The following ARMC8 variants were observed in gnomAD, a reference collection of about 807,000 sequenced individuals.
ARMC8 encodes the protein armadillo repeat containing 8, also known as armadillo repeat-containing protein 8.
Under a neutral mutation model 99.3 loss-of-function variants are expected in ARMC8, and 20 were observed. The ratio of observed to expected loss-of-function variants is 0.20; its 90% CI spans 0.14 to 0.29. ARMC8 has a LOEUF of 0.29. ARMC8 is among the 10% of genes least tolerant of loss of function. The probability of loss-of-function intolerance (pLI) is 1.00; values close to 1 mark genes in which losing one functional copy is unlikely to be tolerated. For missense variants in ARMC8, 569 were observed against 809.5 expected (o/e 0.70, Z 3.60); for synonymous variants, 263 against 278.3 (o/e 0.95, Z 0.55).
chr3:138,281,221 T>G (rs529113191), intron 18 of ARMC8, among the ~76,000 whole-genome samples: 259 of 152,100 alleles, frequency 1.7e-3, no homozygotes, highest in African/African-American at 5.8e-3. Context: ...GGTGTGGGTG[T>G]GTGTGTGTGT....
chr3:138,272,924 G>C (rs1448329784), intron 16 of ARMC8, 43 bp from the exon 17 acceptor site: 51 of 1,391,730 alleles, frequency 3.7e-5, no homozygotes, highest in Non-Finnish European at 4.8e-5. Context: ...ATTTAATAAA[G>C]TAAATGTAGA....
intron 12 of ARMC8, among the ~76,000 whole-genome samples, chr3:138,255,231 C>G (rs933027596): frequency 4.0e-5 from 5 of 125,810 alleles, no homozygotes; most frequent in South Asian, 2.5e-4. Context: ...GAGATGGAGT[C>G]TCGCTCTGTT....
chr3:138,270,013 A>AT (rs112482442), intron 15 of ARMC8, 27 bp from the exon 16 acceptor site: 5,989 of 1,393,190 alleles, frequency 4.3e-3, no homozygotes, highest in Non-Finnish European at 4.7e-3. Flanking sequence ...TAAAGCTGTG[A>AT]TTTTTTTTTT....
At chr3:138,240,089 A>T (rs1271925900) in intron 10 of ARMC8, among the ~76,000 whole-genome samples, 1 of 152,174 alleles carries the variant, frequency 6.6e-6, no homozygotes, top group Admixed American at 6.5e-5. Context: ...CCCACCTCTG[A>T]CTGTACATCC....
rs58707271 is a variant in ARMC8 at position 138,201,436 on chromosome 3, C to CTTTTTTTTTTTTTTTTTTT, written c.46-8358_46-8340dup. Among the ~76,000 whole-genome samples, 11 of 64,996 alleles carry CTTTTTTTTTTTTTTTTTTT rather than the reference C, an allele frequency of 1.7e-4. 4 individuals carry two copies. Among genetic ancestry groups the CTTTTTTTTTTTTTTTTTTT allele is most frequent in the Non-Finnish European group, 3.4e-4 (10 of 29,394 alleles). The allele number at this position is 64,996 out of a possible 152,430, so 42.6% of individuals were successfully genotyped here. On this transcript the variant is annotated intron_variant, in intron 1 of 21. Transcript: ENST00000469044. ...TAGAGTCCTTGTCTTCTTCCCCTCC[C>CTTTTTTTTTTTTTTTTTTT]TTTTTTTTTTTTTTTTTTTTTTTTT...
At chr3:138,237,677 G>C (rs1010889266) in intron 9 of ARMC8, 105 bp downstream of exon 9, 1 of 912,154 alleles carries the variant, frequency 1.1e-6, no homozygotes, top group Non-Finnish European at 1.6e-6. Context: ...TTTATTTTGA[G>C]ATTTTGAAAT....
At chr3:138,188,357 A>G (rs1273040297) in intron 1 of ARMC8, 13 of 1,396,510 alleles carry the variant, frequency 9.3e-6, no homozygotes, top group Non-Finnish European at 1.1e-5. Context: ...GAACGTATTG[A>G]CATGCCAGGA....
At chr3:138,225,310 C>T (rs147825357) in intron 5 of ARMC8, among the ~76,000 whole-genome samples, 3,866 of 152,208 alleles carry the variant, frequency 0.025, 71 homozygotes, top group South Asian at 0.069. Context: ...GGGGTTTCAC[C>T]ATGTTGGCCA....
Position 138,229,089 on chromosome 3 carries a change from C to G in ARMC8, c.528+79C>G, listed in dbSNP as rs547403615. 18 of 819,556 alleles carry G rather than the reference C, an allele frequency of 2.2e-5. No homozygotes were observed. The African/African-American group carries it at 2.8e-4, about 13-fold the overall frequency. The allele number at this position is 819,556 out of a possible 1,614,324, so 50.8% of individuals were successfully genotyped here. A position where few individuals can be genotyped will look rare whatever the true frequency, so the allele number is the denominator to read the frequency against. Reference sequence around the variant, plus strand: ...GAGATGTACCTTCTTTGTGTACCCTCCCAGGGGTAGTCATACATATATAAG... The same window carrying G: ...GAGATGTACCTTCTTTGTGTACCCTGCCAGGGGTAGTCATACATATATAAG... On this transcript the variant is annotated intron_variant, in intron 6 of 21. Transcript: ENST00000469044.
At chr3:138,253,634 T>A (rs556537948) in intron 12 of ARMC8, among the ~76,000 whole-genome samples, 3 of 152,316 alleles carry the variant, frequency 2.0e-5, no homozygotes, top group African/African-American at 7.2e-5. Flanking sequence ...AGCATTAGAT[T>A]CAGAAAACGC....
At chr3:138,261,502 G>A (rs2108253561) in intron 12 of ARMC8, 1 of 152,258 alleles carries the variant, frequency 6.6e-6, no homozygotes, top group South Asian at 2.1e-4. Context: ...GGAGCTAGAG[G>A]TCAGGAAAGA....
chr3:138,200,158 C>A (rs1432362495), intron 1 of ARMC8, among the ~76,000 whole-genome samples: 1 of 152,146 alleles, frequency 6.6e-6, no homozygotes, highest in Admixed American at 6.5e-5. Flanking sequence ...AATGCTCCAG[C>A]TGTAATAAAG....
chr3:138,246,861 T>A (rs2046905177), intron 12 of ARMC8: 1 of 931,510 alleles, frequency 1.1e-6, no homozygotes, highest in African/African-American at 1.8e-5. Flanking sequence ...AGATGACAAA[T>A]AAAGAAAAAG....
intron 2 of ARMC8, among the ~76,000 whole-genome samples, chr3:138,210,528 C>G (rs771236548): frequency 2.6e-5 from 4 of 152,052 alleles, no homozygotes; most frequent in Admixed American, 2.6e-4. Context: ...ATACTCTTAG[C>G]GCATTAGTTC....
intron 1 of ARMC8, among the ~76,000 whole-genome samples, chr3:138,202,202 A>C (rs2044124140): frequency 6.6e-6 from 1 of 152,190 alleles, no homozygotes; most frequent in Non-Finnish European, 1.5e-5. Context: ...TGACATGTTA[A>C]ATTTTGATTA....
chr3:138,231,781 G>GT (rs1401987644), intron 6 of ARMC8, among the ~76,000 whole-genome samples: 1 of 144,804 alleles, frequency 6.9e-6, no homozygotes, highest in Non-Finnish European at 1.5e-5. Context: ...CCCCATCTCT[G>GT]GGGGGGGAAA....
At chr3:138,224,909 A>G (rs905381301) in intron 5 of ARMC8, among the ~76,000 whole-genome samples, 4 of 152,270 alleles carry the variant, frequency 2.6e-5, no homozygotes, top group African/African-American at 7.2e-5. Flanking sequence ...ACCCATTTTT[A>G]TCTCTCTATA....
chr3:138,263,511 A>C, intron 12 of ARMC8: 1 of 561,036 alleles, frequency 1.8e-6, no homozygotes, highest in East Asian at 3.0e-5. Context: ...AATAAACAAC[A>C]TAACCTGCCC....
intron 6 of ARMC8, 124 bp downstream of exon 6, chr3:138,229,134 G>GTGTATA (rs2045852958): frequency 1.3e-5 from 1 of 78,606 alleles, no homozygotes; most frequent in Non-Finnish European, 2.3e-5. Flanking sequence ...GTGTGTGCGT[G>GTGTATA]TATATATATA....
Sources: allele counts gnomAD v4.1 joint callset (sites outside exome capture counted in the v4.1 genomes callset), GRCh38; gene constraint gnomAD v4.1.1; transcripts MANE v1.5; gene names NCBI Gene and HGNC (gene_info 2026-07-23, HGNC 2026-07-21).